Variants in CDH13 observed in about 807,000 individuals in gnomAD.
The protein encoded by CDH13 is cadherin-13.
Under a neutral mutation model 63.8 loss-of-function variants are expected in CDH13, and 24 were observed. The ratio of observed to expected loss-of-function variants is 0.38; its 90% CI spans 0.27 to 0.53. The LOEUF (loss-of-function observed/expected upper bound fraction) is 0.53, where lower values mean the gene tolerates loss of function less well. Ranked by LOEUF, CDH13 falls within the 20% of genes least tolerant of loss-of-function variation. The pLI is 0.85. For missense variants in CDH13, 1,049 were observed against 903.1 expected, an observed-to-expected ratio of 1.16 and a Z score of -2.07; for synonymous variants, 503 against 355.3, an observed-to-expected ratio of 1.42 and a Z score of -4.67.
At chr16:83,020,674 G>C (rs188233862) in intron 2 of CDH13, among the ~76,000 whole-genome samples, 54 of 152,288 alleles carry the variant, frequency 3.5e-4, no homozygotes, top group Admixed American at 9.1e-4. Context: ...GCTGGCCTAG[G>C]AAACCAATAT....
intron 2 of CDH13, among the ~76,000 whole-genome samples, chr16:82,971,122 C>T (rs1160712381): frequency 1.3e-5 from 2 of 152,298 alleles, no homozygotes; most frequent in South Asian, 2.1e-4. Flanking sequence ...CAAAGACCAG[C>T]AGGAGCAGGT....
At chr16:83,435,240 C>G (rs901589744) in intron 6 of CDH13, among the ~76,000 whole-genome samples, 1 of 151,964 alleles carries the variant, frequency 6.6e-6, no homozygotes, top group Admixed American at 6.6e-5. Flanking sequence ...AACGGGGTTT[C>G]GCCTTGTTGG....
At chr16:83,095,417 C>T (rs745911456) in intron 3 of CDH13, among the ~76,000 whole-genome samples, 3 of 152,190 alleles carry the variant, frequency 2.0e-5, no homozygotes, top group Non-Finnish European at 2.9e-5. Context: ...AATTTGTAAA[C>T]ATCATCAGTG....
At chr16:83,532,821 C>T (rs770579231) in intron 7 of CDH13, among the ~76,000 whole-genome samples, 1 of 152,196 alleles carries the variant, frequency 6.6e-6, no homozygotes, top group Non-Finnish European at 1.5e-5. Flanking sequence ...GTGAACCCTA[C>T]CGGTGTGTGT....
At chr16:82,639,072 C>A (rs750953237) in intron 1 of CDH13, among the ~76,000 whole-genome samples, 3 of 152,184 alleles carry the variant, frequency 2.0e-5, no homozygotes, top group African/African-American at 4.8e-5. Context: ...TGGACCCATG[C>A]GTCTTTATTC....
intron 13 of CDH13, among the ~76,000 whole-genome samples, chr16:83,789,586 T>C (rs1277931366): frequency 6.6e-6 from 1 of 152,056 alleles, no homozygotes; most frequent in East Asian, 1.9e-4. Context: ...TGACCTCAAG[T>C]GATCCACCCA....
rs530466778 is a variant in CDH13 at position 83,444,050 on chromosome 16, C to T, written c.782-42427C>T. On this transcript the variant is annotated intron_variant, in intron 6 of 13. Transcript: ENST00000567109. Reference sequence around the variant, plus strand: ...CGATGATCATGGTGATGATGATGGGCTGATGATGACTGTGATGATCATCAT... The same window carrying T: ...CGATGATCATGGTGATGATGATGGGTTGATGATGACTGTGATGATCATCAT... 3.3e-4 allele frequency among the ~76,000 whole-genome samples: 49 copies of T among 150,108 alleles called. 1 individual carries two copies. The highest frequency in any genetic ancestry group is 8.6e-4 in the Admixed American group (13 of 15,120).
intron 10 of CDH13, among the ~76,000 whole-genome samples, chr16:83,701,624 C>T (rs567995067): frequency 1.3e-5 from 2 of 152,304 alleles, no homozygotes; most frequent in African/African-American, 4.8e-5. Flanking sequence ...TCTTCTCTGC[C>T]TCTGTGCTAG....
chr16:83,336,674 T>A (rs1354747601), intron 5 of CDH13, among the ~76,000 whole-genome samples: 2 of 152,222 alleles, frequency 1.3e-5, no homozygotes, highest in Non-Finnish European at 2.9e-5. Context: ...TGTGTTTTGC[T>A]TTATTTGCAT....
At chr16:83,661,026 C>A (rs919411793) in intron 8 of CDH13, among the ~76,000 whole-genome samples, 1 of 149,936 alleles carries the variant, frequency 6.7e-6, no homozygotes, top group African/African-American at 2.5e-5. Flanking sequence ...CAATGATTTT[C>A]AAACTCTCTT....
chr16:83,501,097 G>C (rs945627110), intron 7 of CDH13, among the ~76,000 whole-genome samples: 1 of 152,160 alleles, frequency 6.6e-6, no homozygotes, highest in African/African-American at 2.4e-5. Flanking sequence ...GGCTTTCCTG[G>C]CTAAACGTGA....
chr16:82,740,039 T>A (rs1273610910), intron 1 of CDH13, among the ~76,000 whole-genome samples: 1 of 152,320 alleles, frequency 6.6e-6, no homozygotes, highest in South Asian at 2.1e-4. Context: ...CCTTTCTTTA[T>A]CTTAATGAGC....
At chr16:83,476,605 A>G (rs1380759604) in intron 6 of CDH13, among the ~76,000 whole-genome samples, 1 of 152,152 alleles carries the variant, frequency 6.6e-6, no homozygotes, top group African/African-American at 2.4e-5. Flanking sequence ...CCTGGGGGAC[A>G]GAGGTTGCTG....
chr16:83,530,534 A>T (rs1484426761), intron 7 of CDH13, among the ~76,000 whole-genome samples: 2 of 152,170 alleles, frequency 1.3e-5, no homozygotes, highest in African/African-American at 4.8e-5. Context: ...TTGATGAGCA[A>T]TTGTTAGGAT....
intron 5 of CDH13, among the ~76,000 whole-genome samples, chr16:83,255,766 C>T (rs879578797): frequency 2.6e-5 from 4 of 152,152 alleles, no homozygotes; most frequent in Non-Finnish European, 4.4e-5. Flanking sequence ...CACATCCCAA[C>T]TCTGCCTTTT....
chr16:82,672,561 G>T (rs1365503306), intron 1 of CDH13, among the ~76,000 whole-genome samples: 1 of 151,816 alleles, frequency 6.6e-6, no homozygotes, highest in Non-Finnish European at 1.5e-5. Flanking sequence ...ACTCTTCTCT[G>T]ATCCTTTCGC....
intron 8 of CDH13, among the ~76,000 whole-genome samples, chr16:83,622,710 T>C (rs1909925701): frequency 6.6e-6 from 1 of 152,228 alleles, no homozygotes; most frequent in Non-Finnish European, 1.5e-5. Context: ...TAAATCTTTT[T>C]ACATTTATGA....
chr16:82,960,290 G>A (rs909901062), intron 2 of CDH13, among the ~76,000 whole-genome samples: 1 of 152,170 alleles, frequency 6.6e-6, no homozygotes, highest in Non-Finnish European at 1.5e-5. Flanking sequence ...GTGGAAATTG[G>A]GAGAAAAGAT....
intron 6 of CDH13, among the ~76,000 whole-genome samples, chr16:83,359,169 A>G (rs1029841261): frequency 2.0e-5 from 3 of 152,190 alleles, no homozygotes; most frequent in Non-Finnish European, 1.5e-5. Context: ...TGACAAGGGT[A>G]CAGCACAAGG....
Sources: allele counts gnomAD v4.1 joint callset (sites outside exome capture counted in the v4.1 genomes callset), GRCh38; gene constraint gnomAD v4.1.1; transcripts MANE v1.5; gene names NCBI Gene and HGNC (gene_info 2026-07-23, HGNC 2026-07-21).